Variants in DPP6 observed in about 807,000 individuals in gnomAD.
DPP6 encodes A-type potassium channel modulatory protein DPP6.
Under a neutral mutation model 122.6 loss-of-function variants are expected in DPP6, and 69 were observed. That is an observed-to-expected ratio of 0.56 (90% confidence interval 0.46 to 0.69). The LOEUF (loss-of-function observed/expected upper bound fraction) is 0.69, where lower values mean the gene tolerates loss of function less well. Ranked by LOEUF, DPP6 falls within the 30% of genes least tolerant of loss-of-function variation. The pLI is 0.00. For synonymous variants in DPP6, 418 were observed against 433.1 expected (o/e 0.97, Z 0.43); for missense variants, 928 against 1,116.9 (o/e 0.83, Z 2.41).
chr7:154,067,497 AG>A (rs1373814536), intron 1 of DPP6, among the ~76,000 whole-genome samples: 1 of 152,124 alleles, frequency 6.6e-6, no homozygotes, highest in Non-Finnish European at 1.5e-5. Flanking sequence ...CAGAGTATTC[AG>A]GGAGGTATGT....
rs1455709981 is a variant in DPP6 at position 154,760,315 on chromosome 7, G to A, written c.884-9102G>A. Among the ~76,000 whole-genome samples, 3 of 152,056 alleles carry A rather than the reference G, an allele frequency of 2.0e-5. No homozygotes were observed. Among genetic ancestry groups the A allele is most frequent in the Non-Finnish European group, 2.9e-5 (2 of 68,028 alleles). On this transcript the variant is annotated intron_variant, in intron 8 of 25. Transcript: ENST00000377770. This position sits in a 1 kb window ranked among gnomAD's most constrained non-coding sequence, Gnocchi z 4.5. ...TCAGCACACACAATTATTTCTTCAC[G>A]ATTACTCATGGGCTGTGTGTGCAAA...
chr7:153,988,677 C>T (rs1328545354), intron 1 of DPP6, among the ~76,000 whole-genome samples: 1 of 152,130 alleles, frequency 6.6e-6, no homozygotes, highest in Non-Finnish European at 1.5e-5. Context: ...GCTTCCTGGT[C>T]GATGGCACGT....
intron 1 of DPP6, among the ~76,000 whole-genome samples, chr7:154,313,702 T>TGC (rs1251880622): frequency 5.1e-5 from 2 of 39,422 alleles, no homozygotes; most frequent in Admixed American, 4.6e-4. Context: ...TATATATATA[T>TGC]ATATATATAT....
intron 1 of DPP6, among the ~76,000 whole-genome samples, chr7:153,898,391 A>G (rs1311243846): frequency 6.6e-6 from 1 of 152,146 alleles, no homozygotes; most frequent in African/African-American, 2.4e-5. Flanking sequence ...GTTCAAGGTT[A>G]AAGTGAGCTG....
At chr7:154,773,523 A>C (rs1796381806) in intron 10 of DPP6, among the ~76,000 whole-genome samples, 1 of 152,128 alleles carries the variant, frequency 6.6e-6, no homozygotes, top group Non-Finnish European at 1.5e-5. Flanking sequence ...ATTTTCCCCA[A>C]ATTCAAGCAG....
At chr7:154,433,431 A>G (rs1818611589) in intron 1 of DPP6, among the ~76,000 whole-genome samples, 1 of 151,854 alleles carries the variant, frequency 6.6e-6, no homozygotes, top group African/African-American at 2.4e-5. Context: ...AGCCTCCCGA[A>G]GTGCTGTGAT....
At chr7:153,940,313 C>T (rs144978911) in intron 1 of DPP6, among the ~76,000 whole-genome samples, 17 of 152,170 alleles carry the variant, frequency 1.1e-4, no homozygotes, top group Admixed American at 2.0e-4. Context: ...ATGAACCCTC[C>T]GTTTTGGCTT....
chr7:153,897,226 C>T (rs1364568548), intron 1 of DPP6, among the ~76,000 whole-genome samples: 1 of 152,162 alleles, frequency 6.6e-6, no homozygotes, highest in Non-Finnish European at 1.5e-5. Context: ...GAGGTGCTGA[C>T]CCATTTCCAG....
intron 1 of DPP6, among the ~76,000 whole-genome samples, chr7:154,137,652 G>A (rs1257234761): frequency 1.7e-5 from 1 of 60,362 alleles, no homozygotes; most frequent in East Asian, 7.3e-4. Flanking sequence ...GGGGGGGGTG[G>A]GGGGGTGGGG....
chr7:154,535,308 G>A (rs1392767936), intron 3 of DPP6, among the ~76,000 whole-genome samples: 1 of 151,510 alleles, frequency 6.6e-6, no homozygotes, highest in Admixed American at 6.6e-5. Flanking sequence ...TGACATTGAG[G>A]TAGGCAAAAA....
At chr7:154,394,336 G>C (rs1007762812) in intron 1 of DPP6, among the ~76,000 whole-genome samples, 6 of 152,098 alleles carry the variant, frequency 3.9e-5, no homozygotes, top group Non-Finnish European at 8.8e-5. Context: ...TTTCCCTAAT[G>C]ATTAGTGGTG....
At chr7:154,277,499 C>T (rs1477467608) in intron 1 of DPP6, among the ~76,000 whole-genome samples, 1 of 152,236 alleles carries the variant, frequency 6.6e-6, no homozygotes, top group Non-Finnish European at 1.5e-5. Flanking sequence ...CATGGAGGCT[C>T]ACGCCTGTAA....
At chr7:154,098,628 C>G (rs1386814705) in intron 1 of DPP6, among the ~76,000 whole-genome samples, 1 of 151,420 alleles carries the variant, frequency 6.6e-6, no homozygotes, top group Non-Finnish European at 1.5e-5. Flanking sequence ...GGGATTGGCT[C>G]TGCTTGCCAC....
intron 1 of DPP6, among the ~76,000 whole-genome samples, chr7:154,286,139 G>A (rs1186877249): frequency 6.6e-6 from 1 of 152,178 alleles, no homozygotes; most frequent in African/African-American, 2.4e-5. Flanking sequence ...CCCAAACTGT[G>A]GAACTGAGCA....
rs1184845213 is a variant in DPP6, at chr7:154,624,340, A to AAG, written c.628-13480_628-13479insGA. 6.6e-6 allele frequency among the ~76,000 whole-genome samples: 1 copy of AAG among 150,818 alleles called. No individual in the cohort carries two copies. Among genetic ancestry groups the AAG allele is most frequent in the Non-Finnish European group, 1.5e-5 (1 of 67,698 alleles). ...AGACTCCATCTTAAAAAAAAAAAAA[A>AAG]AATCAGCTTGGTGTGGTGGTAGGTG... On this transcript the variant is annotated intron_variant, in intron 5 of 25. Coordinates refer to ENST00000377770, the MANE Select transcript of DPP6 (RefSeq NM_130797.4). This position sits in a 1 kb window ranked among gnomAD's most constrained non-coding sequence, Gnocchi z 4.7.
intron 7 of DPP6, among the ~76,000 whole-genome samples, chr7:154,685,409 G>T (rs923088865): frequency 1.3e-5 from 2 of 152,192 alleles, no homozygotes; most frequent in African/African-American, 2.4e-5. Flanking sequence ...GTGGCTGCAT[G>T]CCCAGAGGCT....
chr7:154,801,642 G>A (rs1176711125), intron 13 of DPP6, among the ~76,000 whole-genome samples, 180 bp downstream of exon 13: 1 of 152,144 alleles, frequency 6.6e-6, no homozygotes, highest in African/African-American at 2.4e-5. Context: ...CAGGCCTGGT[G>A]GAACCTTGCT....
intron 7 of DPP6, among the ~76,000 whole-genome samples, chr7:154,719,286 T>TG: frequency 6.6e-6 from 1 of 152,270 alleles, no homozygotes; most frequent in Middle Eastern, 3.4e-3. Context: ...TGCTGGGATC[T>TG]GGGGGCTCCA....
intron 1 of DPP6, among the ~76,000 whole-genome samples, chr7:154,080,667 C>A (rs953713412): frequency 2.0e-5 from 3 of 152,180 alleles, no homozygotes; most frequent in African/African-American, 7.2e-5. Context: ...CTGTAAGTTC[C>A]CCTTTCATGG....
Sources: allele counts gnomAD v4.1 joint callset (sites outside exome capture counted in the v4.1 genomes callset), GRCh38; gene constraint gnomAD v4.1.1; non-coding constraint Gnocchi (gnomAD v3.1); transcripts MANE v1.5; gene names NCBI Gene and HGNC (gene_info 2026-07-23, HGNC 2026-07-21).